Variants in KCNJ12 observed in about 807,000 individuals in gnomAD.
KCNJ12 encodes potassium inwardly rectifying channel subfamily J member 12.
Under a neutral mutation model 22.3 loss-of-function variants are expected in KCNJ12, and 2 were observed. The observed-to-expected ratio is 0.09, with a 90% CI of 0.04 to 0.28. KCNJ12 has a LOEUF of 0.28. KCNJ12 is among the 10% of genes least tolerant of loss of function. The pLI is 1.00. For synonymous variants in KCNJ12, 117 were observed against 261.4 expected, an observed-to-expected ratio of 0.45 and a Z score of 5.33; for missense variants, 155 against 633.3, an observed-to-expected ratio of 0.24 and a Z score of 8.11.
rs1906877514 is a variant in KCNJ12, at chr17:21,416,970, A to G, written c.*326A>G. 8 of 435,132 alleles carry G rather than the reference A, an allele frequency of 1.8e-5. No homozygotes were observed. In the South Asian group the frequency reaches 5.0e-4, roughly 27 times the overall value. 27.0% of individuals were successfully genotyped at this position (435,132 alleles called of 1,614,324 possible). A position where few individuals can be genotyped will look rare whatever the true frequency, so the allele number is the denominator to read the frequency against. The stretch of plus-strand genomic sequence containing the variant: ...AGCAGCTCAGCTCGATGGTGGGCCC[A>G]GCCTCTGCTGTCCAAGGCTGGCTAG... On this transcript the variant is annotated 3_prime_UTR_variant, in exon 3 of 3. Transcript: ENST00000583088.
intron 2 of KCNJ12, among the ~76,000 whole-genome samples, chr17:21,412,244 A>C (rs1172039835): frequency 6.6e-6 from 1 of 152,172 alleles, no homozygotes; most frequent in Non-Finnish European, 1.5e-5. Context: ...ACGTCGACAG[A>C]AGTGGGGGTT....
chr17:21,383,136 G>T (rs1306663235), intron 1 of KCNJ12, among the ~76,000 whole-genome samples: 1 of 152,226 alleles, frequency 6.6e-6, no homozygotes, highest in African/African-American at 2.4e-5. Context: ...TGAAAGGCCG[G>T]GGGCAGGAGA....
At chr17:21,412,817 G>A (rs1332651863) in intron 2 of KCNJ12, among the ~76,000 whole-genome samples, 1 of 152,308 alleles carries the variant, frequency 6.6e-6, no homozygotes, top group Non-Finnish European at 1.5e-5. Flanking sequence ...GACGGCGCTA[G>A]AGGTGGTTTA....
chr17:21,383,566 T>C (rs1904959335), intron 1 of KCNJ12, among the ~76,000 whole-genome samples: 1 of 152,170 alleles, frequency 6.6e-6, no homozygotes, highest in African/African-American at 2.4e-5. Context: ...TCTTGGGTCT[T>C]GTGGAAATAG....
intron 1 of KCNJ12, among the ~76,000 whole-genome samples, chr17:21,402,068 C>G (rs1164675187): frequency 6.6e-6 from 1 of 152,272 alleles, no homozygotes. Context: ...GGCCAAGTCC[C>G]CTCCCTTTCT....
At chr17:21,402,674 G>GATTTACAAAATAAATTTACAAAATTT in intron 1 of KCNJ12, among the ~76,000 whole-genome samples, 1 of 152,422 alleles carries the variant, frequency 6.6e-6, no homozygotes, top group Admixed American at 6.5e-5. Context: ...AATAAGGCCA[G>GATTTACAAAATAAATTTACAAAATTT]ATTTACAAAA....
chr17:21,418,243 C>T lies in KCNJ12; in HGVS notation c.*1599C>T, dbSNP rs1438794030. 1 of 167,010 alleles carries T rather than the reference C, an allele frequency of 6.0e-6. No homozygotes were observed. The highest frequency in any genetic ancestry group is 1.5e-5 in the Non-Finnish European group (1 of 68,170). The allele number at this position is 167,010 out of a possible 1,614,324, so 10.3% of individuals were successfully genotyped here. On this transcript the variant is annotated 3_prime_UTR_variant, in exon 3 of 3. Coordinates refer to ENST00000583088, the MANE Select transcript of KCNJ12 (RefSeq NM_021012.5). ...TCTTCTAGTCGGGCTTCTCCAGAAGCCAGTAATCAGAAAGGATGTGTCTCC... is the reference window on the plus strand; with the variant it reads ...TCTTCTAGTCGGGCTTCTCCAGAAGTCAGTAATCAGAAAGGATGTGTCTCC...
At position 21,417,513 on chromosome 17, in the gene KCNJ12, T is replaced by G. The variant is rs1273978008; in HGVS notation, c.*869T>G. The G allele has an allele frequency of 1.8e-5, 3 of 167,172 alleles. No homozygotes were observed. Among genetic ancestry groups the G allele is most frequent in the Admixed American group, 1.3e-4 (2 of 15,296 alleles). 10.4% of individuals were successfully genotyped at this position (167,172 alleles called of 1,614,324 possible). On this transcript the variant is annotated 3_prime_UTR_variant, in exon 3 of 3. Transcript: ENST00000583088. ...ACCCTCGATTTTCCTGTTTTGCTTC[T>G]CTCTCCATTTCTGTCCAGGCCTCCG... is the stretch of plus-strand genomic sequence containing the variant.
chr17:21,378,642 A>T (rs1597549193), intron 1 of KCNJ12, among the ~76,000 whole-genome samples: 1 of 152,206 alleles, frequency 6.6e-6, no homozygotes, highest in South Asian at 2.1e-4. Context: ...CTGTAGGCAT[A>T]CAGTAGGCAG....
At chr17:21,382,931 G>A (rs1555558165) in intron 1 of KCNJ12, among the ~76,000 whole-genome samples, 2 of 152,220 alleles carry the variant, frequency 1.3e-5, no homozygotes, top group East Asian at 1.9e-4. Flanking sequence ...CCTCCACTGT[G>A]GGAGCGGGCA....
chr17:21,408,977 T>C (rs55869783), intron 2 of KCNJ12, among the ~76,000 whole-genome samples: 1 of 152,304 alleles, frequency 6.6e-6, no homozygotes, highest in Non-Finnish European at 1.5e-5. Flanking sequence ...CCCATCTGCC[T>C]GACCACCCAC....
chr17:21,379,244 C>T (rs1904779915), intron 1 of KCNJ12, among the ~76,000 whole-genome samples: 1 of 152,240 alleles, frequency 6.6e-6, no homozygotes, highest in South Asian at 2.1e-4. Context: ...GTACCCTGGG[C>T]CACAGTTGGC....
At chr17:21,402,908 C>T (rs1425824027) in intron 1 of KCNJ12, among the ~76,000 whole-genome samples, 1 of 152,302 alleles carries the variant, frequency 6.6e-6, no homozygotes, top group Non-Finnish European at 1.5e-5. Context: ...GGGTGCTAGG[C>T]CCAGCTCTGG....
At chr17:21,402,550 C>T (rs1555560660) in intron 1 of KCNJ12, among the ~76,000 whole-genome samples, 7 of 152,304 alleles carry the variant, frequency 4.6e-5, no homozygotes, top group Non-Finnish European at 1.0e-4. Flanking sequence ...TCTGGAAGGC[C>T]TACCCTATTT....
At chr17:21,393,680 C>T (rs1402408214) in intron 1 of KCNJ12, among the ~76,000 whole-genome samples, 11 of 152,202 alleles carry the variant, frequency 7.2e-5, no homozygotes, top group African/African-American at 1.7e-4. Context: ...CCATGCCAGG[C>T]GCTGGAATTG....
In KCNJ12 at chr17:21,398,091, ATGTGTGTGTGTGTG is replaced by A. The variant is rs58836229; in HGVS notation, c.-178-10412_-178-10399del. Among the ~76,000 whole-genome samples the A allele has an allele frequency of 6.8e-5, 10 of 146,924 alleles. No individual in the cohort carries two copies. The South Asian group carries it at 1.3e-3, about 19-fold the overall frequency. ...GGGACATAGCCCTGGACGTGTGTGT[ATGTGTGTGTGTGTG>A]TGTGTGTGTGTGTGTCCATGCCTGT... On this transcript the variant is annotated intron_variant, in intron 1 of 2. Coordinates refer to ENST00000583088, the MANE Select transcript of KCNJ12 (RefSeq NM_021012.5).
At chr17:21,405,627 C>T (rs1905883574) in intron 1 of KCNJ12, among the ~76,000 whole-genome samples, 1 of 152,296 alleles carries the variant, frequency 6.6e-6, no homozygotes, top group Non-Finnish European at 1.5e-5. Context: ...CTGCCCTCCC[C>T]TGCGGGACGC....
At chr17:21,413,787 T>G (rs1161841543) in intron 2 of KCNJ12, among the ~76,000 whole-genome samples, 91 of 152,416 alleles carry the variant, frequency 6.0e-4, no homozygotes, top group African/African-American at 2.1e-3. Flanking sequence ...ATGGATGCCC[T>G]GCTGCGGGGC....
At chr17:21,401,953 G>A (rs1441028329) in intron 1 of KCNJ12, among the ~76,000 whole-genome samples, 4 of 152,220 alleles carry the variant, frequency 2.6e-5, no homozygotes, top group African/African-American at 9.6e-5. Context: ...GGAGTTTGAG[G>A]GAGAATGGGG....
Sources: gnomAD v4.1 joint callset for allele counts (sites outside exome capture counted in the v4.1 genomes callset) on GRCh38, gnomAD v4.1.1 for gene constraint, MANE v1.5 for transcripts, NCBI Gene and HGNC (gene_info 2026-07-23, HGNC 2026-07-21) for gene names.